PHF14: variants seen among roughly 807,000 people sequenced by gnomAD.
PHF14 encodes the protein PHD finger protein 14.
A neutral mutation model predicts 117.9 loss-of-function variants in PHF14; 55 were observed. The observed-to-expected ratio is 0.47, with a 90% CI of 0.38 to 0.58. PHF14 has a LOEUF of 0.58. Ranked by LOEUF, PHF14 falls within the 20% of genes least tolerant of loss-of-function variation. The pLI, the probability that PHF14 is intolerant of heterozygous loss-of-function variation, is 0.00. For missense variants in PHF14, 978 were observed against 1,122.2 expected (o/e 0.87, Z 1.84); for synonymous variants, 409 against 368.6 (o/e 1.11, Z -1.26).
chr7:11,084,253 CAGAT>C (rs146139737), intron 16 of PHF14, among the ~76,000 whole-genome samples: 2,180 of 152,286 alleles, frequency 0.014, 47 homozygotes, highest in African/African-American at 0.05. Flanking sequence ...TCAGCATACA[CAGAT>C]AGCCATTTAT....
intron 16 of PHF14, among the ~76,000 whole-genome samples, chr7:11,084,662 G>GT (rs548398190): frequency 2.0e-4 from 30 of 152,096 alleles, no homozygotes; most frequent in Admixed American, 1.8e-3. Flanking sequence ...CTATCCCAAA[G>GT]TAAGTGTGCT....
chr7:11,106,314 C>G (rs774451399), intron 16 of PHF14: 3 of 977,048 alleles, frequency 3.1e-6, no homozygotes, highest in Non-Finnish European at 3.6e-6. Flanking sequence ...CCCATTCATT[C>G]ATTATTGGCT....
intron 4 of PHF14, among the ~76,000 whole-genome samples, chr7:10,995,800 A>G (rs1048525302): frequency 3.3e-5 from 5 of 152,138 alleles, no homozygotes; most frequent in African/African-American, 1.2e-4. Context: ...CCAGGTGCTA[A>G]GCCCCTCACT....
intron 13 of PHF14, among the ~76,000 whole-genome samples, chr7:11,046,897 G>A (rs1283303121): frequency 6.6e-6 from 1 of 151,864 alleles, no homozygotes; most frequent in African/African-American, 2.4e-5. Context: ...GGGATCCTGA[G>A]TTCTTGATGA....
chr7:10,989,536 A>G (rs1427001794), intron 3 of PHF14, among the ~76,000 whole-genome samples: 3 of 152,210 alleles, frequency 2.0e-5, no homozygotes, highest in African/African-American at 4.8e-5. Context: ...TAACTTACTT[A>G]AAGTTTAAAT....
chr7:11,069,785 G>A (rs1157486332), intron 16 of PHF14, among the ~76,000 whole-genome samples: 1 of 150,306 alleles, frequency 6.7e-6, no homozygotes, highest in Non-Finnish European at 1.5e-5. Context: ...ATCCTCCTGA[G>A]TAGCTGGAAT....
At chr7:11,007,174 CAA>C (rs945149382) in intron 4 of PHF14, among the ~76,000 whole-genome samples, 5 of 151,554 alleles carry the variant, frequency 3.3e-5, no homozygotes, top group East Asian at 1.9e-4. Flanking sequence ...GCCCGGGTAA[CAA>C]GAGCGAAACT....
intron 4 of PHF14, among the ~76,000 whole-genome samples, chr7:11,003,927 G>A (rs1195929915): frequency 1.3e-5 from 2 of 152,024 alleles, no homozygotes; most frequent in Non-Finnish European, 2.9e-5. Context: ...TGTCCTCTGT[G>A]GAAAACATCA....
chr7:11,050,941 A>G (rs1194660167), intron 13 of PHF14, among the ~76,000 whole-genome samples: 2 of 152,332 alleles, frequency 1.3e-5, no homozygotes, highest in East Asian at 3.9e-4. Context: ...AAAAGATATG[A>G]TAACTGTGAC....
chr7:11,075,436 G>A (rs1217193127), intron 16 of PHF14, among the ~76,000 whole-genome samples: 2 of 152,138 alleles, frequency 1.3e-5, no homozygotes, highest in African/African-American at 4.8e-5. Flanking sequence ...TACAATCATG[G>A]CAGAAGGCAA....
At chr7:11,121,371 A>G (rs765845329) in intron 17 of PHF14, among the ~76,000 whole-genome samples, 2 of 152,212 alleles carry the variant, frequency 1.3e-5, no homozygotes, top group Non-Finnish European at 2.9e-5. Flanking sequence ...AAAACCTTAC[A>G]CTTAAGTAAG....
intron 4 of PHF14, among the ~76,000 whole-genome samples, chr7:10,996,257 G>GAGGAATT (rs1782642978): frequency 6.6e-6 from 1 of 152,256 alleles, no homozygotes; most frequent in African/African-American, 2.4e-5. Context: ...TTATCTAAGA[G>GAGGAATT]AGGAATTGGT....
At chr7:11,068,011 A>C (rs528590316) in intron 16 of PHF14, among the ~76,000 whole-genome samples, 8 of 152,276 alleles carry the variant, frequency 5.3e-5, no homozygotes, top group African/African-American at 1.9e-4. Flanking sequence ...ACAGGTATCC[A>C]AACCATAGCA....
At chr7:11,019,850 A>G (rs1420857352) in intron 5 of PHF14, among the ~76,000 whole-genome samples, 3 of 151,820 alleles carry the variant, frequency 2.0e-5, no homozygotes, top group Admixed American at 2.0e-4. Flanking sequence ...TTCTCTTTTG[A>G]TGTAGGTACC....
intron 14 of PHF14, among the ~76,000 whole-genome samples, chr7:11,058,033 T>G (rs1171229998): frequency 6.6e-6 from 1 of 152,212 alleles, no homozygotes; most frequent in Non-Finnish European, 1.5e-5. Flanking sequence ...AGGTAACGTA[T>G]CTGTGTTACA....
At position 11,096,152 on chromosome 7, in the gene PHF14, T is replaced by A. The variant is rs533549580; in HGVS notation, c.2655-15198T>A. Among the ~76,000 whole-genome samples the A allele has an allele frequency of 2.6e-5, 4 of 152,090 alleles. No individual in the cohort carries two copies. The South Asian group carries it at 8.3e-4, about 32-fold the overall frequency. On this transcript the variant is annotated intron_variant, in intron 16 of 17. Coordinates refer to ENST00000634607, the MANE Select transcript of PHF14 (RefSeq NM_001007157.2). ...AAGTTCATTTTGGTTCTTTTATTCT[T>A]TTTCGGTGTCTGAGTATATGCATGC...
At chr7:11,065,981 C>T (rs1785411541) in intron 16 of PHF14, among the ~76,000 whole-genome samples, 1 of 152,158 alleles carries the variant, frequency 6.6e-6, no homozygotes, top group African/African-American at 2.4e-5. Flanking sequence ...AGCTATTTCA[C>T]TTTTATAGCT....
intron 16 of PHF14, among the ~76,000 whole-genome samples, chr7:11,094,504 C>A (rs1273276493): frequency 6.6e-6 from 1 of 152,082 alleles, no homozygotes. Context: ...TTATATCAGG[C>A]CCCTCTTCTC....
intron 16 of PHF14, among the ~76,000 whole-genome samples, chr7:11,079,121 A>G (rs1785980795): frequency 6.6e-6 from 1 of 152,192 alleles, no homozygotes; most frequent in Admixed American, 6.5e-5. Flanking sequence ...AACTATTACA[A>G]TGAACTTAAA....
Sources: gnomAD v4.1 joint callset for allele counts (sites outside exome capture counted in the v4.1 genomes callset) on GRCh38, gnomAD v4.1.1 for gene constraint, MANE v1.5 for transcripts, NCBI Gene and HGNC (gene_info 2026-07-23, HGNC 2026-07-21) for gene names.